The following HACE1 variants were observed in gnomAD, a reference collection of about 807,000 sequenced individuals.
The protein encoded by HACE1 is E3 ubiquitin-protein ligase HACE1.
In HACE1, 73 loss-of-function variants were observed where a neutral mutation model predicts 118.4. The observed-to-expected ratio is 0.62, with a 90% CI of 0.51 to 0.75. The LOEUF (loss-of-function observed/expected upper bound fraction) is 0.75, where lower values mean the gene tolerates loss of function less well. Ranked by LOEUF, HACE1 falls within the 30% of genes least tolerant of loss-of-function variation. The pLI is 0.00. For missense variants in HACE1, 749 were observed against 1,102.2 expected (o/e 0.68, Z 4.54); for synonymous variants, 368 against 374.8 (o/e 0.98, Z 0.21).
chr6:104,776,855 T>A, intron 16 of HACE1, 27 bp from the exon 17 acceptor site: 1 of 1,516,598 alleles, frequency 6.6e-7, no homozygotes, highest in Non-Finnish European at 9.2e-7. Flanking sequence ...AAATTAAGCA[T>A]CAACAGAAAT....
intron 6 of HACE1, among the ~76,000 whole-genome samples, chr6:104,819,656 A>G (rs2115010752): frequency 6.6e-6 from 1 of 152,324 alleles, no homozygotes; most frequent in African/African-American, 2.4e-5. Flanking sequence ...GGATATAGTG[A>G]GCAAAACAGT....
chr6:104,761,161 C>T (rs527570460), intron 19 of HACE1, among the ~76,000 whole-genome samples: 3 of 152,288 alleles, frequency 2.0e-5, no homozygotes, highest in African/African-American at 7.2e-5. Flanking sequence ...CTCCATCAAG[C>T]TACCATTCAC....
At chr6:104,798,580 A>G (rs1441131353) in intron 7 of HACE1, among the ~76,000 whole-genome samples, 1 of 152,320 alleles carries the variant, frequency 6.6e-6, no homozygotes, top group Non-Finnish European at 1.5e-5. Flanking sequence ...TAAATTAGCA[A>G]TCCCTTTGAA....
chr6:104,747,756 G>C lies in HACE1; in HGVS notation c.2343+2585C>G, dbSNP rs562428874. On this transcript the variant is annotated intron_variant, in intron 20 of 23. Transcript: ENST00000262903. ...GTACTCACCTCAAGAGATTTTTTGT[G>C]AGCGTTTTTAAAGTTAATACATATA... is the stretch of plus-strand genomic sequence containing the variant. 3.0e-4 allele frequency among the ~76,000 whole-genome samples: 45 copies of C among 152,204 alleles called. No individual in the cohort carries two copies. The South Asian group carries it at 8.3e-3, about 28-fold the overall frequency.
At chr6:104,766,848 A>AAT (rs1245630338) in intron 19 of HACE1, 3 of 152,186 alleles carry the variant, frequency 2.0e-5, no homozygotes, top group African/African-American at 7.2e-5. Flanking sequence ...CACGTATACT[A>AAT]ATATTGGAAC....
chr6:104,754,541 G>A (rs1055193265), intron 19 of HACE1, among the ~76,000 whole-genome samples: 2 of 152,124 alleles, frequency 1.3e-5, no homozygotes, highest in African/African-American at 4.8e-5. Flanking sequence ...AGAGATAAAG[G>A]CCAGGTCACC....
intron 11 of HACE1, chr6:104,787,286 C>G (rs1022895853): frequency 6.6e-6 from 1 of 152,286 alleles, no homozygotes; most frequent in Admixed American, 6.5e-5. Context: ...AAGCATCCCT[C>G]TCACCCGTAA....
At chr6:104,831,982 G>A (rs200648077) in intron 6 of HACE1, among the ~76,000 whole-genome samples, 18,408 of 49,244 alleles carry the variant, frequency 0.37, 2,932 homozygotes, top group Non-Finnish European at 0.47. Flanking sequence ...AGAGAAGAGA[G>A]GAAGGAAGGA....
At chr6:104,818,922 C>G (rs1463189354) in intron 6 of HACE1, among the ~76,000 whole-genome samples, 1 of 151,964 alleles carries the variant, frequency 6.6e-6, no homozygotes, top group Non-Finnish European at 1.5e-5. Flanking sequence ...GACAAACTCA[C>G]AGCCAGTATC....
chr6:104,810,751 G>A (rs1205049883), intron 7 of HACE1, among the ~76,000 whole-genome samples: 6 of 151,960 alleles, frequency 3.9e-5, no homozygotes, highest in Non-Finnish European at 8.8e-5. Flanking sequence ...AAATGTACAC[G>A]TCAAGAAAAT....
At chr6:104,781,810 C>T (rs980232727) in intron 14 of HACE1, among the ~76,000 whole-genome samples, 2 of 152,214 alleles carry the variant, frequency 1.3e-5, no homozygotes, top group South Asian at 4.2e-4. Flanking sequence ...ACTTCTTAAT[C>T]ACATCCAAAC....
chr6:104,744,743 GTCA>G (rs1434491730), intron 20 of HACE1, 133 bp from the exon 21 acceptor site: 3 of 652,438 alleles, frequency 4.6e-6, no homozygotes, highest in Non-Finnish European at 8.3e-6. Flanking sequence ...GTTCCTGCAT[GTCA>G]TCAACAACAA....
intron 6 of HACE1, among the ~76,000 whole-genome samples, chr6:104,821,434 G>T (rs1186790789): frequency 1.3e-5 from 2 of 152,000 alleles, no homozygotes; most frequent in African/African-American, 4.8e-5. Flanking sequence ...ATATTAGCAT[G>T]CAATTAAAAC....
chr6:104,777,274 G>A lies in HACE1; in HGVS notation c.1610C>T (p.Ser537Leu). 6.2e-7 allele frequency: 1 copy of A among 1,613,556 alleles called. No individual in the cohort carries two copies. Among genetic ancestry groups the A allele is most frequent in the Non-Finnish European group, 8.5e-7 (1 of 1,179,478 alleles). ...RCEWFYEHLH[S>L]GQPDSDMVHR... is the part of the protein sequence containing the mutation. ...CACCATATCTGAATCTGGCTGTCCT[G>A]AATGCAAATGTTCATAGAACCATTC... The change falls in exon 15 of 24, where the codon TCA becomes TTA. Residue 537 changes from serine to leucine, a missense_variant. Around this residue, in one of 5 missense-constraint regions of HACE1, gnomAD observed 195 missense variants for 322.1 expected, o/e 0.61. Transcript: ENST00000262903.
At chr6:104,832,300 T>A (rs909938166) in intron 6 of HACE1, among the ~76,000 whole-genome samples, 1 of 152,252 alleles carries the variant, frequency 6.6e-6, no homozygotes, top group East Asian at 1.9e-4. Flanking sequence ...GTTTGGCTAT[T>A]AAAACCTATG....
chr6:104,765,144 T>C (rs1175556156), intron 19 of HACE1, among the ~76,000 whole-genome samples: 2 of 152,236 alleles, frequency 1.3e-5, no homozygotes, highest in Admixed American at 1.3e-4. Flanking sequence ...GCAAACACAT[T>C]ATTTTTGATG....
At chr6:104,752,922 C>T (rs953026911) in intron 19 of HACE1, among the ~76,000 whole-genome samples, 1 of 152,036 alleles carries the variant, frequency 6.6e-6, no homozygotes, top group Non-Finnish European at 1.5e-5. Context: ...ATGTGGATGG[C>T]AGTTGAACTA....
In HACE1 at chr6:104,765,802, T is replaced by C. The variant is rs142819344; in HGVS notation, c.2211+5391A>G. 3.0e-4 allele frequency among the ~76,000 whole-genome samples: 46 copies of C among 152,360 alleles called. 3 individuals carry two copies. The East Asian group carries it at 8.7e-3, about 29-fold the overall frequency. ...CAATTGAGATCTTCAGTTTTAGCTT[T>C]ATGCAGTGTTATTCTATTTTTCATT... On this transcript the variant is annotated intron_variant, in intron 19 of 23. Transcript: ENST00000262903.
rs146792589 is a variant in HACE1, at chr6:104,858,460, G to T, written c.76+1107C>A. On this transcript the variant is annotated intron_variant, in intron 1 of 23. Transcript: ENST00000262903. ...TCACATCTGTAATCCCAACACTTTG[G>T]GGGGAGCAGGGTGCGGATCACTTGA... 6.2e-4 allele frequency: 238 copies of T among 384,602 alleles called. 1 individual carries two copies. Among genetic ancestry groups the T allele is most frequent in the East Asian group, 4.8e-3 (43 of 8,866 alleles). The allele number at this position is 384,602 out of a possible 1,614,324, so 23.8% of individuals were successfully genotyped here.
Sources: allele counts gnomAD v4.1 joint callset (sites outside exome capture counted in the v4.1 genomes callset), GRCh38; gene constraint gnomAD v4.1.1; regional missense constraint gnomAD v4.1.1; transcripts MANE v1.5; gene names NCBI Gene and HGNC (gene_info 2026-07-23, HGNC 2026-07-21).